Variants in LRRC4C observed in about 807,000 individuals in gnomAD.
The protein encoded by LRRC4C is leucine rich repeat containing 4C.
Under a neutral mutation model 33.6 loss-of-function variants are expected in LRRC4C, and 5 were observed. The ratio of observed to expected loss-of-function variants is 0.15; its 90% CI spans 0.08 to 0.31. The LOEUF is 0.31. Among genes scored for constraint, LRRC4C ranks in the 10% least tolerant of loss-of-function variants. LRRC4C has a pLI of 1.00. For missense variants in LRRC4C, 560 were observed against 796.7 expected (o/e 0.70, Z 3.58); for synonymous variants, 329 against 302.0 (o/e 1.09, Z -0.93).
At chr11:40,567,247 C>G (rs372494814) in intron 3 of LRRC4C, among the ~76,000 whole-genome samples, 1 of 151,974 alleles carries the variant, frequency 6.6e-6, no homozygotes, top group African/African-American at 2.4e-5. Context: ...TTCCTTGCAG[C>G]CTTTTCAAAA....
chr11:41,325,671 C>A (rs1184213074), intron 1 of LRRC4C, among the ~76,000 whole-genome samples: 3 of 147,772 alleles, frequency 2.0e-5, no homozygotes, highest in African/African-American at 7.6e-5. Context: ...ATCTTCACTG[C>A]AAAAACAACA....
chr11:40,646,834 C>G (rs2088146), intron 3 of LRRC4C, among the ~76,000 whole-genome samples: 1 of 152,092 alleles, frequency 6.6e-6, no homozygotes, highest in African/African-American at 2.4e-5. Context: ...TCTCGATCTC[C>G]TGACCTCATG....
intron 2 of LRRC4C, among the ~76,000 whole-genome samples, chr11:40,884,076 C>G (rs886333948): frequency 1.3e-5 from 2 of 151,972 alleles, no homozygotes; most frequent in Non-Finnish European, 2.9e-5. Flanking sequence ...CCCCCTACCC[C>G]GTGACAGGCC....
Position 40,144,175 on chromosome 11 carries a change from T to G in LRRC4C, c.-95-3322A>C, listed in dbSNP as rs538186557. The stretch of plus-strand genomic sequence containing the variant: ...TCAAAAGGTTGTTCTAAACTTGAAA[T>G]GAGATGATACCCATAAACCAACAAG... On this transcript the variant is annotated intron_variant, in intron 5 of 6. Coordinates refer to ENST00000528697, the MANE Select transcript of LRRC4C (RefSeq NM_001258419.2). 3.3e-5 allele frequency among the ~76,000 whole-genome samples: 5 copies of G among 152,280 alleles called. No individual in the cohort carries two copies. The South Asian group carries it at 1.0e-3, about 32-fold the overall frequency.
At chr11:40,691,298 T>C (rs1054863071) in intron 2 of LRRC4C, among the ~76,000 whole-genome samples, 2 of 151,972 alleles carry the variant, frequency 1.3e-5, no homozygotes, top group South Asian at 2.1e-4. Flanking sequence ...CAGGGACTCA[T>C]AGGGAGCACT....
intron 2 of LRRC4C, among the ~76,000 whole-genome samples, chr11:40,722,594 C>T (rs1011833810): frequency 5.3e-5 from 8 of 152,268 alleles, no homozygotes; most frequent in Middle Eastern, 3.4e-3. Context: ...AATATGAGAA[C>T]AAAGAGCCCC....
intron 3 of LRRC4C, among the ~76,000 whole-genome samples, chr11:40,510,021 C>T (rs1955232175): frequency 6.6e-6 from 1 of 152,034 alleles, no homozygotes; most frequent in African/African-American, 2.4e-5. Flanking sequence ...TTACAAGTGC[C>T]ATCTTCAGCT....
chr11:40,816,237 G>A (rs1032327111), intron 2 of LRRC4C, among the ~76,000 whole-genome samples: 2 of 152,184 alleles, frequency 1.3e-5, no homozygotes, highest in Non-Finnish European at 2.9e-5. Flanking sequence ...GTTATCAGGA[G>A]GAACTGGGAT....
chr11:40,598,991 A>C (rs1001068354), intron 3 of LRRC4C, among the ~76,000 whole-genome samples: 2 of 152,158 alleles, frequency 1.3e-5, no homozygotes, highest in African/African-American at 2.4e-5. Flanking sequence ...TTGTGACCTT[A>C]TCTACAATTT....
chr11:40,561,550 C>A (rs1957550603), intron 3 of LRRC4C, among the ~76,000 whole-genome samples: 1 of 151,360 alleles, frequency 6.6e-6, no homozygotes, highest in African/African-American at 2.4e-5. Context: ...GTAGCTAGGA[C>A]TACAGGTGCC....
At chr11:40,926,524 G>T (rs934900944) in intron 2 of LRRC4C, among the ~76,000 whole-genome samples, 2 of 152,066 alleles carry the variant, frequency 1.3e-5, no homozygotes, top group Non-Finnish European at 2.9e-5. Flanking sequence ...TCTAAATTTG[G>T]CAAGGACATA....
intron 1 of LRRC4C, among the ~76,000 whole-genome samples, chr11:41,349,476 A>C: frequency 6.6e-6 from 1 of 152,060 alleles, no homozygotes. Context: ...ACAAAACAAA[A>C]CAAAAAAACA....
chr11:41,150,404 T>C (rs779099338), intron 1 of LRRC4C, among the ~76,000 whole-genome samples: 5 of 152,194 alleles, frequency 3.3e-5, no homozygotes, highest in Admixed American at 6.5e-5. Context: ...TTCCAAAAAA[T>C]AGAGACTTAT....
chr11:41,218,511 T>C (rs1565488983), intron 1 of LRRC4C, among the ~76,000 whole-genome samples: 2 of 152,194 alleles, frequency 1.3e-5, no homozygotes, highest in Non-Finnish European at 2.9e-5. Context: ...AGGCAGGGCT[T>C]TTAATGTGAA....
intron 3 of LRRC4C, among the ~76,000 whole-genome samples, chr11:40,599,145 G>A (rs999660070): frequency 6.6e-6 from 1 of 151,904 alleles, no homozygotes; most frequent in African/African-American, 2.4e-5. Context: ...CAGCTCAAAT[G>A]TCCCCTCAGA....
chr11:40,213,921 A>T (rs1407084375), intron 5 of LRRC4C, among the ~76,000 whole-genome samples: 1 of 152,154 alleles, frequency 6.6e-6, no homozygotes, highest in Non-Finnish European at 1.5e-5. Flanking sequence ...CCAAATTGAA[A>T]ATGAGAAAAA....
chr11:40,114,325 T>C lies in LRRC4C; in HGVS notation c.*45A>G. ...GTCATTTGTGTCATTTTTAATAAACTGTCTTTTTTTTTGATTGTTTGTTTT... is the reference window on the plus strand; with the variant it reads ...GTCATTTGTGTCATTTTTAATAAACCGTCTTTTTTTTTGATTGTTTGTTTT... On this transcript the variant is annotated 3_prime_UTR_variant, in exon 7 of 7. Coordinates refer to ENST00000528697, the MANE Select transcript of LRRC4C (RefSeq NM_001258419.2). 1 of 1,512,990 alleles carries C rather than the reference T, an allele frequency of 6.6e-7. No individual in the cohort carries two copies. The highest frequency in any genetic ancestry group is 8.8e-7 in the Non-Finnish European group (1 of 1,132,294). 93.7% of individuals were successfully genotyped at this position (1,512,990 alleles called of 1,614,324 possible).
intron 1 of LRRC4C, among the ~76,000 whole-genome samples, chr11:40,986,614 G>A (rs1853028198): frequency 6.6e-6 from 1 of 151,828 alleles, no homozygotes; most frequent in African/African-American, 2.4e-5. Flanking sequence ...GAGAGAGGGA[G>A]AGAAAGGACT....
intron 1 of LRRC4C, among the ~76,000 whole-genome samples, chr11:41,286,119 A>G (rs559619171): frequency 1.6e-4 from 25 of 152,226 alleles, no homozygotes; most frequent in Middle Eastern, 6.8e-3. Flanking sequence ...GTGAGCCACC[A>G]CGCCCGCCTA....
Sources: allele counts gnomAD v4.1 joint callset (sites outside exome capture counted in the v4.1 genomes callset), GRCh38; gene constraint gnomAD v4.1.1; transcripts MANE v1.5; gene names NCBI Gene and HGNC (gene_info 2026-07-23, HGNC 2026-07-21).